Variants in GPR107 observed in about 807,000 individuals in gnomAD.
The protein encoded by GPR107 is G protein-coupled receptor 107.
In GPR107, 31 loss-of-function variants were observed where a neutral mutation model predicts 75.5. That is an observed-to-expected ratio of 0.41 (90% CI 0.31 to 0.55). GPR107 has a LOEUF of 0.55. GPR107 is among the 20% of genes least tolerant of loss of function. The pLI, the probability that GPR107 is intolerant of heterozygous loss-of-function variation, is 0.26. For missense variants in GPR107, 572 were observed against 665.7 expected, an observed-to-expected ratio of 0.86 and a Z score of 1.55; for synonymous variants, 267 against 251.3, an observed-to-expected ratio of 1.06 and a Z score of -0.59.
At chr9:130,087,392 G>A (rs1830639260) in intron 7 of GPR107, among the ~76,000 whole-genome samples, 1 of 152,098 alleles carries the variant, frequency 6.6e-6, no homozygotes, top group Non-Finnish European at 1.5e-5. Flanking sequence ...AAATGGCAGG[G>A]CGTGGTGGCT....
intron 1 of GPR107, among the ~76,000 whole-genome samples, chr9:130,065,982 C>CA (rs1830060452): frequency 6.6e-6 from 1 of 151,636 alleles, no homozygotes; most frequent in Non-Finnish European, 1.5e-5. Flanking sequence ...CACTCCCCCC[C>CA]AAAAGTATCT....
At chr9:130,123,046 C>T (rs1412655216) in intron 14 of GPR107, among the ~76,000 whole-genome samples, 1 of 152,046 alleles carries the variant, frequency 6.6e-6, no homozygotes, top group South Asian at 2.1e-4. Context: ...TTTTAATTTG[C>T]TTTTTCTGTT....
At chr9:130,109,571 CT>C (rs869222805) in intron 14 of GPR107, among the ~76,000 whole-genome samples, 81 of 60,496 alleles carry the variant, frequency 1.3e-3, no homozygotes, top group African/African-American at 2.4e-3. Flanking sequence ...CTTTTTCTTT[CT>C]TTTTTTTTTT....
chr9:130,079,023 A>G (rs1295452399), intron 4 of GPR107, among the ~76,000 whole-genome samples: 2 of 152,162 alleles, frequency 1.3e-5, no homozygotes, highest in Non-Finnish European at 2.9e-5. Context: ...CAGTGGCACG[A>G]TCTTGGCTCA....
At chr9:130,082,716 T>G (rs574046611) in intron 5 of GPR107, among the ~76,000 whole-genome samples, 1 of 152,060 alleles carries the variant, frequency 6.6e-6, no homozygotes, top group South Asian at 2.1e-4. Context: ...CCTGACCTCA[T>G]GATCCGCCCA....
At chr9:130,130,589 C>T (rs1404973441) in intron 17 of GPR107, among the ~76,000 whole-genome samples, 2 of 152,146 alleles carry the variant, frequency 1.3e-5, no homozygotes, top group Admixed American at 6.5e-5. Context: ...ATGGATATAT[C>T]GGCTGGGTGC....
rs757760401 is a variant in GPR107 at position 130,075,757 on chromosome 9, C to T, written c.255+8C>T. The stretch of plus-strand genomic sequence containing the variant: ...GAAGACAAGGATGTGACTGTAAGTA[C>T]CTTTTAATGAGATCCAGGGGTTTAC... On this transcript the variant is annotated splice_region_variant and intron_variant, in intron 2 of 17. Transcript: ENST00000347136. The T allele has an allele frequency of 1.6e-6, 2 of 1,262,692 alleles. No individual in the cohort carries two copies. Among genetic ancestry groups the T allele is most frequent in the African/African-American group, 1.5e-5 (1 of 68,062 alleles). The allele number at this position is 1,262,692 out of a possible 1,614,324, so 78.2% of individuals were successfully genotyped here.
chr9:130,132,192 C>T (rs1162100838), intron 17 of GPR107, among the ~76,000 whole-genome samples: 3 of 152,144 alleles, frequency 2.0e-5, no homozygotes, highest in Admixed American at 2.0e-4. Flanking sequence ...TACAGGTGTG[C>T]CCAGCCCTTC....
chr9:130,091,700 T>C (rs1830743146), intron 8 of GPR107, among the ~76,000 whole-genome samples: 1 of 151,276 alleles, frequency 6.6e-6, no homozygotes, highest in African/African-American at 2.4e-5. Flanking sequence ...GGCTAATTTT[T>C]TTTTTTTTTT....
At position 130,112,716 on chromosome 9, in the gene GPR107, A is replaced by G. The variant is rs773644653; in HGVS notation, c.1306+5177A>G. The stretch of plus-strand genomic sequence containing the variant: ...TGCACTTGTTTGAATTGCAAGCTGA[A>G]CTAGCTGCTTTTATTTTATTTTTTT... On this transcript the variant is annotated intron_variant, in intron 14 of 17. Transcript: ENST00000347136. This position sits in a 1 kb window ranked among gnomAD's most constrained non-coding sequence, Gnocchi z 4.0. Among the ~76,000 whole-genome samples, 13 of 152,060 alleles carry G rather than the reference A, an allele frequency of 8.5e-5. No individual in the cohort carries two copies. The highest frequency in any genetic ancestry group is 1.9e-4 in the Non-Finnish European group (13 of 68,006).
rs1832007137 is a variant in GPR107 at position 130,138,237 on chromosome 9, GTT to G, written c.*3119_*3120del. Reference sequence around the variant, plus strand: ...GATGCTCATGGCCTGAGTCAGTTGAGTTTTCTTTCAAGAAACCACTTCAGAGT... The same window carrying G: ...GATGCTCATGGCCTGAGTCAGTTGAGTTCTTTCAAGAAACCACTTCAGAGT... On this transcript the variant is annotated 3_prime_UTR_variant, in exon 18 of 18. Transcript: ENST00000347136. 6.6e-6 allele frequency: 1 copy of G among 152,148 alleles called. No homozygotes were observed. The highest frequency in any genetic ancestry group is 1.5e-5 in the Non-Finnish European group (1 of 68,036). 9.4% of individuals were successfully genotyped at this position (152,148 alleles called of 1,614,324 possible).
At chr9:130,121,586 G>T (rs1831547963) in intron 14 of GPR107, among the ~76,000 whole-genome samples, 1 of 152,196 alleles carries the variant, frequency 6.6e-6, no homozygotes, top group South Asian at 2.1e-4. Flanking sequence ...TTCCTTCCCT[G>T]ATATGTGCAG....
chr9:130,135,008 T>C lies in GPR107; in HGVS notation c.1563-17T>C. On this transcript the variant is annotated splice_polypyrimidine_tract_variant and intron_variant, in intron 17 of 17. Transcript: ENST00000347136. The stretch of plus-strand genomic sequence containing the variant: ...GACTGTGAGATGTTCCTAATTGTTT[T>C]TTCTTTCCTTGTTCAGTGTGACAAC... The C allele has an allele frequency of 6.8e-7, 1 of 1,480,628 alleles. No individual in the cohort carries two copies. The highest frequency in any genetic ancestry group is 2.3e-5 in the East Asian group (1 of 44,174). 91.7% of individuals were successfully genotyped at this position (1,480,628 alleles called of 1,614,324 possible). A position where few individuals can be genotyped will look rare whatever the true frequency, so the allele number is the denominator to read the frequency against.
chr9:130,122,374 T>C (rs770203015), intron 14 of GPR107, among the ~76,000 whole-genome samples: 1 of 152,160 alleles, frequency 6.6e-6, no homozygotes, highest in Admixed American at 6.5e-5. Context: ...CCCCTGCCGA[T>C]GGGAACAGCA....
chr9:130,134,902 T>TA (rs1831912519), intron 17 of GPR107, 123 bp from the exon 18 acceptor site: 2 of 694,022 alleles, frequency 2.9e-6, no homozygotes, highest in Non-Finnish European at 5.2e-6. Context: ...GAATCACACT[T>TA]AGATTTTGTC....
chr9:130,096,127 T>C (rs921111395), intron 9 of GPR107, among the ~76,000 whole-genome samples: 23 of 152,198 alleles, frequency 1.5e-4, no homozygotes, highest in African/African-American at 5.5e-4. Context: ...TCGTAGATAT[T>C]CTAACCATGG....
At chr9:130,086,747 TG>T (rs1225664106) in intron 7 of GPR107, among the ~76,000 whole-genome samples, 1 of 152,154 alleles carries the variant, frequency 6.6e-6, no homozygotes, top group East Asian at 1.9e-4. Context: ...CCTGCCTGGC[TG>T]TTCCCATGAC....
chr9:130,108,103 A>C (rs1199549018), intron 14 of GPR107, among the ~76,000 whole-genome samples: 1 of 152,206 alleles, frequency 6.6e-6, no homozygotes, highest in African/African-American at 2.4e-5. Flanking sequence ...CTGCAAAGAA[A>C]ATGTTTTGTG....
Position 130,135,297 on chromosome 9 carries a change from A to C in GPR107, c.*176A>C. 1 of 488,794 alleles carries C rather than the reference A, an allele frequency of 2.0e-6. No homozygotes were observed. 30.3% of individuals were successfully genotyped at this position (488,794 alleles called of 1,614,324 possible). On this transcript the variant is annotated 3_prime_UTR_variant, in exon 18 of 18. Coordinates refer to ENST00000347136, the MANE Select transcript of GPR107 (RefSeq NM_020960.5). ...TGATTTTGTACTCTCTTTTATGGAA[A>C]CGATCTGTGGCTGTTTAGAGGCAGC...
Sources: allele counts gnomAD v4.1 joint callset (sites outside exome capture counted in the v4.1 genomes callset), GRCh38; gene constraint gnomAD v4.1.1; non-coding constraint Gnocchi (gnomAD v3.1); transcripts MANE v1.5; gene names NCBI Gene and HGNC (gene_info 2026-07-23, HGNC 2026-07-21).